The following SH3RF2 variants were observed in gnomAD, a reference collection of about 807,000 sequenced individuals.
The protein encoded by SH3RF2 is SH3 domain containing ring finger 2, also known as E3 ubiquitin-protein ligase SH3RF2.
A neutral mutation model predicts 59.0 loss-of-function variants in SH3RF2; 43 were observed. The observed-to-expected ratio is 0.73, with a 90% CI of 0.57 to 0.94. The LOEUF (loss-of-function observed/expected upper bound fraction) is 0.94, where lower values mean the gene tolerates loss of function less well. SH3RF2 is among the 40% of genes least tolerant of loss of function. The pLI is 0.00. For synonymous variants in SH3RF2, 391 were observed against 391.5 expected (o/e 1.00, Z 0.01); for missense variants, 930 against 940.1 (o/e 0.99, Z 0.14).
chr5:145,945,721 T>A (rs1757984024), intron 2 of SH3RF2, among the ~76,000 whole-genome samples: 2 of 152,004 alleles, frequency 1.3e-5, no homozygotes, highest in Non-Finnish European at 2.9e-5. Flanking sequence ...ATACTTGCCT[T>A]CCTATCAGGG....
chr5:145,951,893 C>G lies in SH3RF2; in HGVS notation c.378+13587C>G, dbSNP rs191057882. Among the ~76,000 whole-genome samples the G allele has an allele frequency of 1.7e-3, 253 of 152,294 alleles. 1 individual carries two copies. Among genetic ancestry groups the G allele is most frequent in the Non-Finnish European group, 2.9e-3 (199 of 68,026 alleles). ...GACAAGATAGAGCACTAGGTAAGAA[C>G]AGGGGCTCTGAAGTTATAATAGCTA... On this transcript the variant is annotated intron_variant, in intron 2 of 9. Transcript: ENST00000359120.
At chr5:145,965,980 A>C (rs759889668) in intron 2 of SH3RF2, among the ~76,000 whole-genome samples, 1 of 152,182 alleles carries the variant, frequency 6.6e-6, no homozygotes, top group Non-Finnish European at 1.5e-5. Context: ...GTTGGGCAAG[A>C]GTATTTGAGG....
At chr5:145,957,650 T>G (rs995557355) in intron 2 of SH3RF2, among the ~76,000 whole-genome samples, 1 of 151,936 alleles carries the variant, frequency 6.6e-6, no homozygotes, top group Non-Finnish European at 1.5e-5. Flanking sequence ...GAGACAAACC[T>G]GGATTTGGCC....
At chr5:146,011,643 T>C (rs1019136885) in intron 4 of SH3RF2, among the ~76,000 whole-genome samples, 5 of 152,190 alleles carry the variant, frequency 3.3e-5, no homozygotes, top group Non-Finnish European at 7.3e-5. Flanking sequence ...TTTGAAGCAA[T>C]TGTGAATGGG....
At chr5:146,042,553 G>C (rs1342304947) in intron 5 of SH3RF2, among the ~76,000 whole-genome samples, 1 of 152,208 alleles carries the variant, frequency 6.6e-6, no homozygotes, top group Non-Finnish European at 1.5e-5. Context: ...AGATGGTAGA[G>C]CCACTGGCCT....
At chr5:146,055,531 G>A (rs1762634612) in intron 7 of SH3RF2, among the ~76,000 whole-genome samples, 2 of 152,188 alleles carry the variant, frequency 1.3e-5, no homozygotes, top group African/African-American at 4.8e-5. Flanking sequence ...GCAGAACACA[G>A]ATATATAAGT....
Position 146,000,234 on chromosome 5 carries a change from G to T in SH3RF2, c.555G>T (p.Leu185=), listed in dbSNP as rs1760350369. Residue 185 remains leucine (L), a synonymous_variant, in exon 3 of 10, where the codon CTG becomes CTT. Transcript: ENST00000359120. ...GCTCCGTGGAAGTCATCAAGCAGCT[G>T]CCCCAGCCGCCCCCGCTCTGCAGGG... ...PASSVEVIKQ[L]PQPPPLCRAL... The T allele has an allele frequency of 6.2e-7, 1 of 1,613,878 alleles. No homozygotes were observed. The highest frequency in any genetic ancestry group is 8.5e-7 in the Non-Finnish European group (1 of 1,179,960).
chr5:145,996,973 C>T (rs563931315), intron 2 of SH3RF2, among the ~76,000 whole-genome samples: 1 of 152,160 alleles, frequency 6.6e-6, no homozygotes, highest in Non-Finnish European at 1.5e-5. Flanking sequence ...ATAGGAAGTG[C>T]TCGGTAATTA....
At chr5:146,030,642 T>G (rs1015921681) in intron 5 of SH3RF2, among the ~76,000 whole-genome samples, 5 of 152,074 alleles carry the variant, frequency 3.3e-5, no homozygotes, top group Admixed American at 3.3e-4. Context: ...TTCATTTCTT[T>G]GAGCTATAAC....
At chr5:145,964,123 T>C (rs931512660) in intron 2 of SH3RF2, among the ~76,000 whole-genome samples, 10 of 152,120 alleles carry the variant, frequency 6.6e-5, no homozygotes, top group African/African-American at 2.4e-4. Context: ...TAAGCCACCG[T>C]GCCCGGCCTC....
At chr5:145,953,304 G>A (rs1290459828) in intron 2 of SH3RF2, among the ~76,000 whole-genome samples, 2 of 152,204 alleles carry the variant, frequency 1.3e-5, no homozygotes, top group African/African-American at 4.8e-5. Context: ...TGAAGGATGA[G>A]AGGAAGGCAG....
At chr5:146,079,492 C>A (rs1763392153) in exon 10 of SH3RF2, 1 of 152,184 alleles carries the variant, frequency 6.6e-6, no homozygotes, top group East Asian at 1.9e-4. Context: ...GACAATAACA[C>A]AAATGCAGCA....
intron 2 of SH3RF2, among the ~76,000 whole-genome samples, chr5:145,974,517 A>G (rs1335928591): frequency 1.3e-5 from 2 of 152,202 alleles, no homozygotes; most frequent in Non-Finnish European, 2.9e-5. Context: ...GTATCTATGT[A>G]TATATAGCAT....
chr5:145,947,137 C>A (rs149883740), intron 2 of SH3RF2, among the ~76,000 whole-genome samples: 6 of 149,342 alleles, frequency 4.0e-5, no homozygotes, highest in Non-Finnish European at 8.9e-5. Flanking sequence ...CAATAACTTT[C>A]CATTCTGTCC....
chr5:146,064,664 GAGAAAGAAAGAAAGAAAGAA>G (rs869196873), downstream of SH3RF2, among the ~76,000 whole-genome samples: 25 of 4,240 alleles, frequency 5.9e-3, no homozygotes, highest in South Asian at 0.021. Context: ...GAGAGAGAAA[GAGAAAGAAAGAAAGAAAGAA>G]AGAAAGAAAG....
chr5:145,963,270 GGAT>G (rs1758706679), intron 2 of SH3RF2, among the ~76,000 whole-genome samples: 1 of 150,696 alleles, frequency 6.6e-6, no homozygotes, highest in African/African-American at 2.5e-5. Context: ...ATGGATGGAT[GGAT>G]GGATGGATGG....
chr5:145,993,185 C>T (rs2149978312), intron 2 of SH3RF2, among the ~76,000 whole-genome samples: 1 of 152,294 alleles, frequency 6.6e-6, no homozygotes, highest in South Asian at 2.1e-4. Context: ...GTCTCACATC[C>T]AGATCACGCT....
intron 2 of SH3RF2, among the ~76,000 whole-genome samples, chr5:145,980,360 T>G (rs1759463740): frequency 6.6e-6 from 1 of 152,150 alleles, no homozygotes; most frequent in South Asian, 2.1e-4. Flanking sequence ...GTACATATTT[T>G]TTTGCAAATT....
At chr5:145,982,859 G>A (rs921784729) in intron 2 of SH3RF2, among the ~76,000 whole-genome samples, 1 of 152,192 alleles carries the variant, frequency 6.6e-6, no homozygotes, top group African/African-American at 2.4e-5. Flanking sequence ...GATAAGTAGC[G>A]ATTGGGCAGG....
Sources: allele counts gnomAD v4.1 joint callset (sites outside exome capture counted in the v4.1 genomes callset), GRCh38; gene constraint gnomAD v4.1.1; transcripts MANE v1.5; gene names NCBI Gene and HGNC (gene_info 2026-07-23, HGNC 2026-07-21).